The following DAPK1 variants were observed in gnomAD, a reference collection of about 807,000 sequenced individuals.
DAPK1 encodes the protein death-associated protein kinase 1.
A neutral mutation model predicts 144.9 loss-of-function variants in DAPK1; 56 were observed. The ratio of observed to expected loss-of-function variants is 0.39; its 90% CI spans 0.31 to 0.48. The LOEUF (loss-of-function observed/expected upper bound fraction) is 0.48. Ranked by LOEUF, DAPK1 falls within the 20% of genes least tolerant of loss-of-function variation. The probability of loss-of-function intolerance (pLI) is 0.95; values close to 1 mark genes in which losing one functional copy is unlikely to be tolerated. For missense variants in DAPK1, 1,454 were observed against 1,875.4 expected, an observed-to-expected ratio of 0.78 and a Z score of 4.15; for synonymous variants, 690 against 749.0, an observed-to-expected ratio of 0.92 and a Z score of 1.29.
chr9:87,651,247 A>G (rs1268458505), intron 16 of DAPK1, among the ~76,000 whole-genome samples: 3 of 152,228 alleles, frequency 2.0e-5, no homozygotes, highest in East Asian at 1.9e-4. Context: ...ATCAACAATT[A>G]CTTATGTTCT....
chr9:87,504,308 G>A (rs1824510092), intron 2 of DAPK1, among the ~76,000 whole-genome samples: 1 of 152,194 alleles, frequency 6.6e-6, no homozygotes, highest in Admixed American at 6.5e-5. Flanking sequence ...TACATTTTAG[G>A]AAGGTCTAAT....
At position 87,651,615 on chromosome 9, in the gene DAPK1, A is replaced by T. The variant is rs1234215554; in HGVS notation, c.1715A>T (p.Tyr572Phe). 6.2e-7 allele frequency: 1 copy of T among 1,614,214 alleles called. No individual in the cohort carries two copies. Among genetic ancestry groups the T allele is most frequent in the Non-Finnish European group, 8.5e-7 (1 of 1,180,032 alleles). The change falls in exon 17 of 26, where the codon TAT (tyrosine) becomes TTT (phenylalanine). Residue 572 changes from tyrosine to phenylalanine, a missense_variant. By Grantham distance (22) the Tyr-to-Phe change is conservative (BLOSUM62 3). Coordinates refer to ENST00000408954, the MANE Select transcript of DAPK1 (RefSeq NM_004938.4). ...CTCAGCCAAGGGTGTTTCGTCGATT[A>T]TCAAGACAGGCACGGCAATACTCCC... ...TLLSQGCFVD[Y>F]QDRHGNTPLH...
chr9:87,512,888 C>T (rs905207164), intron 2 of DAPK1, among the ~76,000 whole-genome samples: 7 of 152,030 alleles, frequency 4.6e-5, no homozygotes, highest in African/African-American at 1.7e-4. Context: ...GGCTGGTGAT[C>T]CACCCACCTC....
intron 2 of DAPK1, among the ~76,000 whole-genome samples, chr9:87,525,660 T>G (rs914181143): frequency 2.0e-5 from 3 of 152,178 alleles, no homozygotes; most frequent in African/African-American, 7.2e-5. Flanking sequence ...CTGTTAGGGC[T>G]GAGGGCCTCG....
intron 23 of DAPK1, 87 bp from the exon 24 acceptor site, chr9:87,700,030 C>A: frequency 1.8e-6 from 2 of 1,101,270 alleles, no homozygotes; most frequent in Non-Finnish European, 2.7e-6. Flanking sequence ...TCCTACCAGC[C>A]TCTTGAGCCA....
intron 10 of DAPK1, among the ~76,000 whole-genome samples, chr9:87,642,422 C>T (rs1830128347): frequency 6.6e-6 from 1 of 151,942 alleles, no homozygotes; most frequent in Admixed American, 6.6e-5. Flanking sequence ...TGTGCTGTAC[C>T]TTGGGTAAGT....
At chr9:87,521,336 G>A (rs373199438) in intron 2 of DAPK1, among the ~76,000 whole-genome samples, 1 of 152,218 alleles carries the variant, frequency 6.6e-6, no homozygotes, top group Admixed American at 6.5e-5. Flanking sequence ...GGAAAGGCAG[G>A]TGCTTGTCTG....
chr9:87,497,983 T>A lies in DAPK1; in HGVS notation c.-233T>A. On this transcript the variant is annotated 5_prime_UTR_variant, in exon 1 of 26. Transcript: ENST00000408954. Reference sequence around the variant, plus strand: ...GTCTGGGGCCGGCGCCTGGGAGGGATCTGCGCCCCCCACTCACTCCCTAGC... The same window carrying A: ...GTCTGGGGCCGGCGCCTGGGAGGGAACTGCGCCCCCCACTCACTCCCTAGC... 5.0e-6 allele frequency: 2 copies of A among 397,120 alleles called. No homozygotes were observed. Among genetic ancestry groups the A allele is most frequent in the Non-Finnish European group, 8.9e-6 (2 of 225,458 alleles). 24.6% of individuals were successfully genotyped at this position (397,120 alleles called of 1,614,324 possible). A position where few individuals can be genotyped will look rare whatever the true frequency, so the allele number is the denominator to read the frequency against.
In DAPK1 at chr9:87,706,731, G is replaced by A; in HGVS notation, c.3660G>A (p.Glu1220=). Residue 1220 remains glutamate (E), a synonymous_variant, in exon 26 of 26, where the codon GAG becomes GAA. Transcript: ENST00000408954. This position sits in a 1 kb window ranked among gnomAD's most constrained non-coding sequence, Gnocchi z 9.0. The part of the protein sequence containing the change: ...LLLDSVCSTI[E]NVMATTLPGL... ...TGGACTCGGTGTGCAGCACCATTGAGAACGTCATGGCCACCACGCTGCCAG... is the reference window on the plus strand; with the variant it reads ...TGGACTCGGTGTGCAGCACCATTGAAAACGTCATGGCCACCACGCTGCCAG... The A allele has an allele frequency of 6.2e-7, 1 of 1,613,354 alleles. No individual in the cohort carries two copies. The highest frequency in any genetic ancestry group is 2.2e-5 in the East Asian group (1 of 44,858).
chr9:87,694,943 C>G (rs1309318295), intron 21 of DAPK1, among the ~76,000 whole-genome samples: 1 of 152,212 alleles, frequency 6.6e-6, no homozygotes, highest in Admixed American at 6.5e-5. Context: ...AGGCAGCTCC[C>G]TCAGCTAATC....
chr9:87,632,477 G>A (rs1251632667), intron 3 of DAPK1: 6 of 977,522 alleles, frequency 6.1e-6, no homozygotes, highest in Non-Finnish European at 1.2e-6. Flanking sequence ...GGAATGAAGG[G>A]TGATCAGTAT....
intron 19 of DAPK1, among the ~76,000 whole-genome samples, chr9:87,678,583 C>A (rs1179957058): frequency 6.6e-6 from 1 of 152,218 alleles, no homozygotes; most frequent in Non-Finnish European, 1.5e-5. Context: ...AAAATAGCAG[C>A]ATTCGTGGAT....
chr9:87,551,627 C>T (rs1379137784), intron 2 of DAPK1, among the ~76,000 whole-genome samples: 3 of 152,090 alleles, frequency 2.0e-5, no homozygotes, highest in Admixed American at 6.6e-5. Context: ...AGGATAAGGG[C>T]GAGAGAAGGG....
chr9:87,676,012 C>T (rs1824365302), intron 19 of DAPK1, among the ~76,000 whole-genome samples: 1 of 152,048 alleles, frequency 6.6e-6, no homozygotes, highest in African/African-American at 2.4e-5. Context: ...TTGCCCACAC[C>T]CTGGATGCCC....
At chr9:87,557,597 C>G (rs1428750608) in intron 2 of DAPK1, among the ~76,000 whole-genome samples, 1 of 152,072 alleles carries the variant, frequency 6.6e-6, no homozygotes, top group East Asian at 1.9e-4. Context: ...TAAAACATTA[C>G]TCATTGAGAA....
intron 3 of DAPK1, among the ~76,000 whole-genome samples, chr9:87,620,587 G>T (rs944259527): frequency 6.6e-6 from 1 of 151,466 alleles, no homozygotes; most frequent in Non-Finnish European, 1.5e-5. Flanking sequence ...GGAGGGAGAG[G>T]GGAGGAGGAA....
At position 87,499,205 on chromosome 9, in the gene DAPK1, T is replaced by A. The variant is rs1327767804; in HGVS notation, c.62+66T>A. On this transcript the variant is annotated intron_variant, in intron 2 of 25. Transcript: ENST00000408954. ...AATGCATAACGATGGGGCCATTGGG[T>A]GGTAAACAAATGCAGTTTGAATCAG... 4 of 1,363,372 alleles carry A rather than the reference T, an allele frequency of 2.9e-6. No homozygotes were observed. The Admixed American group carries it at 6.8e-5, about 23-fold the overall frequency. The allele number at this position is 1,363,372 out of a possible 1,614,324, so 84.5% of individuals were successfully genotyped here. A position where few individuals can be genotyped will look rare whatever the true frequency, so the allele number is the denominator to read the frequency against.
intron 21 of DAPK1, among the ~76,000 whole-genome samples, chr9:87,693,348 T>A (rs1335677371): frequency 1.3e-5 from 2 of 151,954 alleles, no homozygotes; most frequent in African/African-American, 4.8e-5. Flanking sequence ...TCCTTCTGCT[T>A]GATCTAGTCT....
At chr9:87,612,073 G>GC (rs1194966307) in intron 3 of DAPK1, among the ~76,000 whole-genome samples, 1 of 152,162 alleles carries the variant, frequency 6.6e-6, no homozygotes, top group Admixed American at 6.5e-5. Flanking sequence ...GCAAGAGAGG[G>GC]CAAGAGCCCA....
Sources: gnomAD v4.1 joint callset for allele counts (sites outside exome capture counted in the v4.1 genomes callset) on GRCh38, gnomAD v4.1.1 for gene constraint, Gnocchi (gnomAD v3.1) non-coding constraint, MANE v1.5 for transcripts, NCBI Gene and HGNC (gene_info 2026-07-23, HGNC 2026-07-21) for gene names.